The following AMOTL2 variants were observed in gnomAD, a reference collection of about 807,000 sequenced individuals.
The protein encoded by AMOTL2 is angiomotin-like protein 2.
AMOTL2 carries 33 observed loss-of-function variants against 78.4 expected under a neutral mutation model. The observed-to-expected ratio is 0.42, with a 90% CI of 0.32 to 0.56. AMOTL2 has a LOEUF of 0.56. Ranked by LOEUF, AMOTL2 falls within the 20% of genes least tolerant of loss-of-function variation. The pLI is 0.12. For synonymous variants in AMOTL2, 422 were observed against 428.8 expected, an observed-to-expected ratio of 0.98 and a Z score of 0.20; for missense variants, 983 against 1,030.1, an observed-to-expected ratio of 0.95 and a Z score of 0.63.
chr3:134,359,372 A>T lies in AMOTL2; in HGVS notation c.2015T>A (p.Phe672Tyr), dbSNP rs1043764172. 1 of 1,614,224 alleles carries T rather than the reference A, an allele frequency of 6.2e-7. No individual in the cohort carries two copies. The change falls in exon 8 of 10, where the codon TTC (phenylalanine) becomes TAC (tyrosine). Residue 672 changes from phenylalanine to tyrosine, a missense_variant. Transcript: ENST00000249883. The part of the protein sequence containing the change: ...LRPAKSVPSV[F>Y]AAAAAGTQGW... Reference sequence around the variant, plus strand: ...CTGGGTTCCTGCTGCCGCAGCCGCGAAAACAGATGGCACCGACTTGGCAGG... The same window carrying T: ...CTGGGTTCCTGCTGCCGCAGCCGCGTAAACAGATGGCACCGACTTGGCAGG...
rs367881172 is a variant in AMOTL2 at position 134,369,149 on chromosome 3, T to C, written c.735-1346A>G. 3.9e-5 allele frequency among the ~76,000 whole-genome samples: 6 copies of C among 152,278 alleles called. No homozygotes were observed. The East Asian group carries it at 9.7e-4, about 25-fold the overall frequency. On this transcript the variant is annotated intron_variant, in intron 2 of 9. Transcript: ENST00000249883. ...TCACTGGATCATCTGAAAGGAGATA[T>C]TGGGCAGATGTATTTCTCCTACTAC...
At position 134,361,773 on chromosome 3, in the gene AMOTL2, C is replaced by T; in HGVS notation, c.1314G>A (p.Glu438=). The T allele has an allele frequency of 1.3e-6, 2 of 1,573,960 alleles. No homozygotes were observed. Among genetic ancestry groups the T allele is most frequent in the Non-Finnish European group, 1.7e-6 (2 of 1,156,838 alleles). The change falls in exon 6 of 10, where the codon GAG becomes GAA. Residue 438 remains glutamate (E), a synonymous_variant. Coordinates refer to ENST00000249883, the MANE Select transcript of AMOTL2 (RefSeq NM_016201.4). ...YEQQQEQEKL[E]REMALLRGAI... ...CGCCGCGCAGCAGTGCCATCTCTCG[C>T]TCCAGCTTCTCTTGCTCCTGCTGCT...
At position 134,370,920 on chromosome 3, in the gene AMOTL2, C is replaced by A; in HGVS notation, c.514G>T (p.Ala172Ser). 1 of 1,611,958 alleles carries A rather than the reference C, an allele frequency of 6.2e-7. No individual in the cohort carries two copies. Among genetic ancestry groups the A allele is most frequent in the Non-Finnish European group, 8.5e-7 (1 of 1,179,382 alleles). Residue 172 changes from alanine (A) to serine (S), a missense_variant, in exon 2 of 10, where the codon GCC (alanine) becomes TCC (serine). Transcript: ENST00000249883. ...LLQLSLERNGARAPSHMSSSH... is the reference protein window; with the variant it reads ...LLQLSLERNGSRAPSHMSSSH... Reference sequence around the variant, plus strand: ...GAGCTCATGTGGCTGGGGGCCCGGGCGCCGTTCCTCTCCAGGGACAACTGA... The same window carrying A: ...GAGCTCATGTGGCTGGGGGCCCGGGAGCCGTTCCTCTCCAGGGACAACTGA...
chr3:134,367,689 G>C lies in AMOTL2; in HGVS notation c.849C>G (p.Gly283=), dbSNP rs559971660. The C allele has an allele frequency of 1.9e-6, 3 of 1,613,490 alleles. No homozygotes were observed. The highest frequency in any genetic ancestry group is 2.7e-5 in the African/African-American group (2 of 75,052). ...PPPHPAALGH[G]PLSSLSPPAV... The stretch of plus-strand genomic sequence containing the variant: ...CAGGTGGACTGAGGGAGCTCAGGGG[G>C]CCATGGCCGAGAGCAGCTGGATGTG... The change falls in exon 3 of 10, where the codon GGC becomes GGG. Residue 283 remains glycine (G), a synonymous_variant. Transcript: ENST00000249883.
At chr3:134,359,160 T>C (rs1318143072) in intron 8 of AMOTL2, 123 bp downstream of exon 8, 1 of 1,087,518 alleles carries the variant, frequency 9.2e-7, no homozygotes, top group Non-Finnish European at 1.4e-6. Flanking sequence ...CCAGCTCCCC[T>C]GGAAGAGGGT....
At chr3:134,359,629 T>G in intron 7 of AMOTL2, 126 bp from the exon 8 acceptor site, 1 of 757,576 alleles carries the variant, frequency 1.3e-6, no homozygotes, top group Admixed American at 2.7e-5. Context: ...GGCTGGATCC[T>G]TCTGTGCTTG....
At position 134,361,807 on chromosome 3, in the gene AMOTL2, C is replaced by A; in HGVS notation, c.1280G>T (p.Ser427Ile). The part of the protein sequence containing the change: ...QDMVAKLLAQ[S>I]YEQQQEQEKL... ...CTCTTGCTCCTGCTGCTGTTCGTAG[C>A]CTGTAGGGAGAAAGAGGCTTGATCA... is the stretch of plus-strand genomic sequence containing the variant. The change falls in exon 6 of 10, where the codon AGC becomes ATC. Residue 427 changes from serine to isoleucine, a missense_variant and splice_region_variant. Ser to Ile is a moderately radical substitution (Grantham distance 142). Coordinates refer to ENST00000249883, the MANE Select transcript of AMOTL2 (RefSeq NM_016201.4). The A allele has an allele frequency of 6.5e-7, 1 of 1,544,056 alleles. No individual in the cohort carries two copies. The highest frequency in any genetic ancestry group is 8.8e-7 in the Non-Finnish European group (1 of 1,139,964).
Position 134,368,834 on chromosome 3 carries a change from C to T in AMOTL2, c.735-1031G>A, listed in dbSNP as rs544784909. ...TTGGCCTCTGGCACTGGTGTAACAT[C>T]ACCCCCAGGGCTCCATGTTGAGGGA... On this transcript the variant is annotated intron_variant, in intron 2 of 9. Transcript: ENST00000249883. Among the ~76,000 whole-genome samples, 5 of 152,270 alleles carry T rather than the reference C, an allele frequency of 3.3e-5. No homozygotes were observed. The East Asian group carries it at 9.7e-4, about 29-fold the overall frequency.
chr3:134,363,025 G>C (rs2017441668), intron 5 of AMOTL2, among the ~76,000 whole-genome samples: 1 of 152,374 alleles, frequency 6.6e-6, no homozygotes, highest in South Asian at 2.1e-4. Flanking sequence ...TGGAAATGTG[G>C]CTAGTAAGAT....
rs778175841 is a variant in AMOTL2 at position 134,357,491 on chromosome 3, G to A, written c.*214C>T. 1.7e-5 allele frequency: 10 copies of A among 587,502 alleles called. No homozygotes were observed. Among genetic ancestry groups the A allele is most frequent in the Non-Finnish European group, 3.1e-5 (10 of 326,694 alleles). 36.4% of individuals were successfully genotyped at this position (587,502 alleles called of 1,614,324 possible). Reference sequence around the variant, plus strand: ...TAAGGCCCGGAGGAATGTGGGCTAAGAAGCAGAGTCTTCTGGGGGTGCCGG... The same window carrying A: ...TAAGGCCCGGAGGAATGTGGGCTAAAAAGCAGAGTCTTCTGGGGGTGCCGG... On this transcript the variant is annotated 3_prime_UTR_variant, in exon 10 of 10. Transcript: ENST00000249883.
At chr3:134,371,587 G>A in intron 1 of AMOTL2, 93 bp from the exon 2 acceptor site, 1 of 1,454,106 alleles carries the variant, frequency 6.9e-7, no homozygotes, top group Non-Finnish European at 9.0e-7. Context: ...TATTACTCTG[G>A]TGGAAAGCAT....
chr3:134,358,753 T>C, intron 8 of AMOTL2, 34 bp from the exon 9 acceptor site: 1 of 1,611,792 alleles, frequency 6.2e-7, no homozygotes, highest in Non-Finnish European at 8.5e-7. Flanking sequence ...TTGCCATGCC[T>C]GTAAGATGTG....
chr3:134,369,839 A>T (rs1185823319), intron 2 of AMOTL2, among the ~76,000 whole-genome samples: 1 of 152,208 alleles, frequency 6.6e-6, no homozygotes, highest in East Asian at 1.9e-4. Context: ...TCTGGAAAAG[A>T]TGCTGGGCAA....
intron 5 of AMOTL2, among the ~76,000 whole-genome samples, chr3:134,364,279 C>A (rs2017511416): frequency 6.6e-6 from 1 of 151,964 alleles, no homozygotes; most frequent in Non-Finnish European, 1.5e-5. Context: ...CCCGCGGCTG[C>A]AAGATTAATG....
At chr3:134,359,208 G>A in intron 8 of AMOTL2, 75 bp downstream of exon 8, 5 of 1,526,132 alleles carry the variant, frequency 3.3e-6, no homozygotes, top group Non-Finnish European at 4.5e-6. Flanking sequence ...GTTCTGGGAG[G>A]AAAGGTCTGG....
Position 134,371,750 on chromosome 3 carries a change from GA to G in AMOTL2, c.-61-257del, listed in dbSNP as rs534403982. 128 of 458,052 alleles carry G rather than the reference GA, an allele frequency of 2.8e-4. No homozygotes were observed. In the South Asian group the frequency reaches 3.8e-3, roughly 13 times the overall value. 28.4% of individuals were successfully genotyped at this position (458,052 alleles called of 1,614,324 possible). A position where few individuals can be genotyped will look rare whatever the true frequency, so the allele number is the denominator to read the frequency against. On this transcript the variant is annotated intron_variant, in intron 1 of 9. Transcript: ENST00000249883. ...ATTCTGCTTGACTCATGGAGATGAGGAAAAAAAAAGAGGCAGTGGCCTGCGA... is the reference window on the plus strand; with the variant it reads ...ATTCTGCTTGACTCATGGAGATGAGGAAAAAAAAGAGGCAGTGGCCTGCGA...
At chr3:134,368,428 G>C (rs1478031843) in intron 2 of AMOTL2, among the ~76,000 whole-genome samples, 1 of 151,972 alleles carries the variant, frequency 6.6e-6, no homozygotes, top group Admixed American at 6.6e-5. Context: ...GTTAAGGTTA[G>C]AGCAATGAGA....
At chr3:134,375,227 T>C, upstream of AMOTL2, 4 of 1,535,742 alleles carry the variant, frequency 2.6e-6, no homozygotes, top group Non-Finnish European at 3.5e-6. Context: ...TGTCCAGTTC[T>C]TCCCCAAGGT....
In AMOTL2 at chr3:134,374,369, G is replaced by A; in HGVS notation, c.-89C>T. ...CTGCGGCCCGAGGGTGCCCAGCGCA[G>A]TCAGACACCACAACCTCCGGCTCGG... is the stretch of plus-strand genomic sequence containing the variant. On this transcript the variant is annotated 5_prime_UTR_variant, in exon 1 of 10. Coordinates refer to ENST00000249883, the MANE Select transcript of AMOTL2 (RefSeq NM_016201.4). The A allele has an allele frequency of 1.0e-6, 1 of 968,834 alleles. No homozygotes were observed. Among genetic ancestry groups the A allele is most frequent in the Non-Finnish European group, 1.2e-6 (1 of 825,526 alleles). The allele number at this position is 968,834 out of a possible 1,614,324, so 60.0% of individuals were successfully genotyped here.
Sources: gnomAD v4.1 joint callset for allele counts (sites outside exome capture counted in the v4.1 genomes callset) on GRCh38, gnomAD v4.1.1 for gene constraint, MANE v1.5 for transcripts, NCBI Gene and HGNC (gene_info 2026-07-23, HGNC 2026-07-21) for gene names.